Variants in TMCO4 observed in about 807,000 individuals in gnomAD.
TMCO4 encodes the protein transmembrane and coiled-coil domain-containing protein 4.
Under a neutral mutation model 64.7 loss-of-function variants are expected in TMCO4, and 58 were observed. The ratio of observed to expected loss-of-function variants is 0.90; its 90% CI spans 0.73 to 1.12. The LOEUF is 1.12. Ranked by LOEUF, TMCO4 falls within the 50% of genes most tolerant of loss-of-function variation. The pLI is 0.00. For synonymous variants in TMCO4, 325 were observed against 346.1 expected (o/e 0.94, Z 0.68); for missense variants, 780 against 825.9 (o/e 0.94, Z 0.68).
chr1:19,696,558 A>T (rs1413277927), intron 14 of TMCO4, among the ~76,000 whole-genome samples: 1 of 151,942 alleles, frequency 6.6e-6, no homozygotes, highest in Admixed American at 6.6e-5. Flanking sequence ...CTCAAAAAAC[A>T]AAAAACAAAA....
intron 2 of TMCO4, among the ~76,000 whole-genome samples, chr1:19,794,523 C>T (rs1310862310): frequency 6.6e-6 from 1 of 152,184 alleles, no homozygotes; most frequent in African/African-American, 2.4e-5. Context: ...GTCCATTTGA[C>T]CCACTGGTTT....
intron 13 of TMCO4, among the ~76,000 whole-genome samples, chr1:19,729,610 A>T (rs2095422255): frequency 6.6e-6 from 1 of 151,870 alleles, no homozygotes; most frequent in Admixed American, 6.6e-5. Flanking sequence ...TACCAAAAAT[A>T]CAAAAATTAG....
rs141063139 is a variant in TMCO4 at position 19,747,295 on chromosome 1, G to A, written c.516-35C>T. On this transcript the variant is annotated intron_variant, in intron 7 of 15. Coordinates refer to ENST00000294543, the MANE Select transcript of TMCO4 (RefSeq NM_181719.7). ...AAGAGGCTGGTCTTTAGGGCCAGCT[G>A]TGCCCAGGATCCCTTGAGACATCCC... 2.1e-3 allele frequency: 3,312 copies of A among 1,580,532 alleles called. 7 individuals carry two copies. Among genetic ancestry groups the A allele is most frequent in the Non-Finnish European group, 2.3e-3 (2,655 of 1,154,350 alleles).
At chr1:19,714,992 C>T (rs986444380) in intron 13 of TMCO4, among the ~76,000 whole-genome samples, 1 of 152,026 alleles carries the variant, frequency 6.6e-6, no homozygotes, top group Non-Finnish European at 1.5e-5. Flanking sequence ...CATGTAACCC[C>T]AGCACTTTTG....
intron 15 of TMCO4, 57 bp downstream of exon 15, chr1:19,694,377 C>A: frequency 6.7e-7 from 1 of 1,495,432 alleles, no homozygotes; most frequent in Non-Finnish European, 9.3e-7. Context: ...ACAGGGGTGG[C>A]TGGGCTGGAG....
intron 14 of TMCO4, among the ~76,000 whole-genome samples, chr1:19,696,034 C>T (rs7542372): frequency 0.081 from 12,313 of 152,110 alleles, 1,579 homozygotes; most frequent in African/African-American, 0.28. Flanking sequence ...ATGAATGCGA[C>T]GGCCTCTGCA....
chr1:19,721,751 C>T (rs1039423359), intron 13 of TMCO4, among the ~76,000 whole-genome samples: 1 of 151,930 alleles, frequency 6.6e-6, no homozygotes, highest in Non-Finnish European at 1.5e-5. Context: ...ATTGTGCCAC[C>T]GCACTCCAGC....
At chr1:19,709,810 C>T (rs1267098029) in intron 13 of TMCO4, among the ~76,000 whole-genome samples, 1 of 144,070 alleles carries the variant, frequency 6.9e-6, no homozygotes, top group Admixed American at 7.2e-5. Flanking sequence ...TTTTTTTAGA[C>T]AGAATCTCGC....
chr1:19,715,606 T>C (rs933112612), intron 13 of TMCO4, among the ~76,000 whole-genome samples: 1 of 152,202 alleles, frequency 6.6e-6, no homozygotes, highest in African/African-American at 2.4e-5. Context: ...TTTCTCAGGA[T>C]ATAGGAGCAG....
Position 19,710,096 on chromosome 1 carries a change from T to A in TMCO4, c.1265-9211A>T, listed in dbSNP as rs1001495097. On this transcript the variant is annotated intron_variant, in intron 13 of 15. Coordinates refer to ENST00000294543, the MANE Select transcript of TMCO4 (RefSeq NM_181719.7). ...GTGCCCAGCCTGGAATTCTATTTTT[T>A]AAAAATTTATTTTATTTTTTATATT... Among the ~76,000 whole-genome samples, 10 of 152,012 alleles carry A rather than the reference T, an allele frequency of 6.6e-5. 1 individual carries two copies. The highest frequency in any genetic ancestry group is 1.5e-4 in the Non-Finnish European group (10 of 67,978).
intron 14 of TMCO4, among the ~76,000 whole-genome samples, chr1:19,698,501 A>G (rs1215431637): frequency 6.6e-6 from 1 of 152,186 alleles, no homozygotes; most frequent in Non-Finnish European, 1.5e-5. Context: ...GTGGATTTAC[A>G]AAGAGCTTTA....
Position 19,682,935 on chromosome 1 carries a change from G to T in TMCO4, c.*105C>A. On this transcript the variant is annotated 3_prime_UTR_variant, in exon 16 of 16. Coordinates refer to ENST00000294543, the MANE Select transcript of TMCO4 (RefSeq NM_181719.7). ...CCAATTCCTTCCATTTAGGAAAGAG[G>T]CCTGTGGAAATCCTGTACCTCCAGA... 7.3e-7 allele frequency: 1 copy of T among 1,364,768 alleles called. No individual in the cohort carries two copies. The highest frequency in any genetic ancestry group is 1.0e-6 in the Non-Finnish European group (1 of 995,968). 84.5% of individuals were successfully genotyped at this position (1,364,768 alleles called of 1,614,324 possible). A position where few individuals can be genotyped will look rare whatever the true frequency, so the allele number is the denominator to read the frequency against.
chr1:19,697,714 T>C (rs1472745433), intron 14 of TMCO4, among the ~76,000 whole-genome samples: 1 of 151,518 alleles, frequency 6.6e-6, no homozygotes, highest in Non-Finnish European at 1.5e-5. Flanking sequence ...TCCTCCCACC[T>C]CAGCTTCCCA....
intron 14 of TMCO4, among the ~76,000 whole-genome samples, chr1:19,699,728 T>C (rs1179261521): frequency 1.3e-5 from 2 of 152,116 alleles, no homozygotes; most frequent in Non-Finnish European, 2.9e-5. Context: ...GCTGAATGAA[T>C]ATCCCAAGTG....
intron 2 of TMCO4, among the ~76,000 whole-genome samples, chr1:19,793,202 CT>C (rs201588865): frequency 0.01 from 1,546 of 152,090 alleles, 13 homozygotes; most frequent in Non-Finnish European, 0.015. Context: ...TCTCTCTCTC[CT>C]TTTTCTGATT....
intron 11 of TMCO4, 124 bp from the exon 12 acceptor site, chr1:19,740,084 A>G (rs959206775): frequency 9.7e-6 from 11 of 1,134,406 alleles, no homozygotes; most frequent in Non-Finnish European, 3.7e-6. Flanking sequence ...CAAGTTTGCC[A>G]ATCAAACTGC....
At chr1:19,740,033 A>G in intron 11 of TMCO4, 73 bp from the exon 12 acceptor site, 1 of 1,507,334 alleles carries the variant, frequency 6.6e-7, no homozygotes, top group Non-Finnish European at 8.9e-7. Flanking sequence ...ACTGGCTAAC[A>G]GATGCTCAAA....
intron 10 of TMCO4, 65 bp downstream of exon 10, chr1:19,745,467 G>A (rs560170527): frequency 1.9e-6 from 3 of 1,608,464 alleles, no homozygotes; most frequent in African/African-American, 2.7e-5. Flanking sequence ...TAAAAACCTA[G>A]CCCAGGGTCT....
intron 15 of TMCO4, among the ~76,000 whole-genome samples, chr1:19,687,541 G>A (rs1002484182): frequency 1.3e-5 from 2 of 152,190 alleles, no homozygotes; most frequent in African/African-American, 2.4e-5. Context: ...TTTCCTACGA[G>A]TGGGGGATGG....
Sources: allele counts gnomAD v4.1 joint callset (sites outside exome capture counted in the v4.1 genomes callset), GRCh38; gene constraint gnomAD v4.1.1; transcripts MANE v1.5; gene names NCBI Gene and HGNC (gene_info 2026-07-23, HGNC 2026-07-21).